Variants in AK6 observed in about 807,000 individuals in gnomAD.
AK6 encodes the protein adenylate kinase isoenzyme 6.
In AK6, 24 loss-of-function variants were observed where a neutral mutation model predicts 23.7. That is an observed-to-expected ratio of 1.01 (90% CI 0.73 to 1.43). The LOEUF (loss-of-function observed/expected upper bound fraction) is 1.43, where lower values mean the gene tolerates loss of function less well. Among genes scored for constraint, AK6 ranks in the 40% most tolerant of loss-of-function variants. AK6 has a pLI of 0.00. For missense variants in AK6, 191 were observed against 199.1 expected (o/e 0.96, Z 0.24); for synonymous variants, 73 against 69.8 (o/e 1.05, Z -0.23).
At chr5:69,366,716 T>C (rs577592776) in intron 1 of AK6, 121 bp from the exon 2 acceptor site, 9 of 723,180 alleles carry the variant, frequency 1.2e-5, no homozygotes, top group Non-Finnish European at 1.9e-5. Context: ...CCCTTAAAAG[T>C]TCTTGACGAC....
intron 4 of AK6, 69 bp from the exon 5 acceptor site, chr5:69,352,322 AC>A: frequency 1.6e-6 from 2 of 1,260,878 alleles, no homozygotes; most frequent in Non-Finnish European, 1.1e-6. Context: ...TCAGAAACAT[AC>A]CAGAAACTGG....
At chr5:69,353,038 C>T (rs1761988183) in intron 4 of AK6, among the ~76,000 whole-genome samples, 1 of 152,132 alleles carries the variant, frequency 6.6e-6, no homozygotes, top group Admixed American at 6.6e-5. Flanking sequence ...AATGATACAT[C>T]CATACAATGG....
chr5:69,358,157 G>A (rs1283056856), intron 2 of AK6, among the ~76,000 whole-genome samples: 1 of 152,202 alleles, frequency 6.6e-6, no homozygotes, highest in Non-Finnish European at 1.5e-5. Flanking sequence ...ACCTATAGCT[G>A]ATTCTGTACT....
intron 4 of AK6, 87 bp downstream of exon 4, chr5:69,355,562 A>G: frequency 1.5e-6 from 2 of 1,375,346 alleles, no homozygotes; most frequent in East Asian, 2.4e-5. Context: ...AAAACAAACA[A>G]CAACAATCTT....
intron 2 of AK6, among the ~76,000 whole-genome samples, chr5:69,358,446 G>A (rs1194589630): frequency 6.7e-6 from 1 of 149,824 alleles, no homozygotes; most frequent in Non-Finnish European, 1.5e-5. Context: ...GCTTGAACCC[G>A]GGAGGAGGCT....
intron 2 of AK6, among the ~76,000 whole-genome samples, chr5:69,364,109 T>C (rs186323143): frequency 4.5e-4 from 68 of 151,838 alleles, no homozygotes; most frequent in Non-Finnish European, 8.7e-4. Context: ...TAAAATGAAA[T>C]GGAAAATGAG....
intron 2 of AK6, chr5:69,365,893 C>T: frequency 1.8e-6 from 1 of 549,218 alleles, no homozygotes; most frequent in East Asian, 3.3e-5. Context: ...CATATGTTTT[C>T]TTAATTTTAA....
chr5:69,365,434 T>A, intron 2 of AK6: 1 of 1,613,908 alleles, frequency 6.2e-7, no homozygotes, highest in Non-Finnish European at 8.5e-7. Context: ...GGCAAAGGGG[T>A]TTGATTTCTT....
rs928875889 is a variant in AK6 at position 69,356,064 on chromosome 5, A to G, written c.122-111T>C. 7.9e-6 allele frequency: 7 copies of G among 884,836 alleles called. No individual in the cohort carries two copies. In the African/African-American group the frequency reaches 1.0e-4, roughly 13 times the overall value. The allele number at this position is 884,836 out of a possible 1,614,324, so 54.8% of individuals were successfully genotyped here. A position where few individuals can be genotyped will look rare whatever the true frequency, so the allele number is the denominator to read the frequency against. On this transcript the variant is annotated intron_variant, in intron 2 of 4. Transcript: ENST00000380822. Reference sequence around the variant, plus strand: ...AATGTATCATCAATTATTCTTTTAGATACAAGGGTGGATACTAACAAAATA... The same window carrying G: ...AATGTATCATCAATTATTCTTTTAGGTACAAGGGTGGATACTAACAAAATA...
intron 1 of AK6, among the ~76,000 whole-genome samples, chr5:69,368,405 T>C (rs1762607982): frequency 6.6e-6 from 1 of 152,220 alleles, no homozygotes; most frequent in African/African-American, 2.4e-5. Flanking sequence ...TCAAGTCCAC[T>C]ATAATACACC....
At chr5:69,358,000 A>G (rs1762126131) in intron 2 of AK6, among the ~76,000 whole-genome samples, 1 of 152,324 alleles carries the variant, frequency 6.6e-6, no homozygotes, top group African/African-American at 2.4e-5. Flanking sequence ...GCTCACATAT[A>G]CAAGTGTAAA....
rs756551615 is a variant in AK6, at chr5:69,369,495, C to G, written c.-5G>C. ...CAGGATGTTCGGAAGCAACATGGTC[C>G]CCGCCGCGACGGCTTCGGGCGCCTC... is the stretch of plus-strand genomic sequence containing the variant. On this transcript the variant is annotated 5_prime_UTR_variant, in exon 1 of 5. Coordinates refer to ENST00000380822, the MANE Select transcript of AK6 (RefSeq NM_016283.5). 1.2e-6 allele frequency: 2 copies of G among 1,611,584 alleles called. No homozygotes were observed. Among genetic ancestry groups the G allele is most frequent in the South Asian group, 1.1e-5 (1 of 90,922 alleles).
chr5:69,364,826 G>T, intron 2 of AK6: 1 of 901,406 alleles, frequency 1.1e-6, no homozygotes, highest in Non-Finnish European at 1.7e-6. Flanking sequence ...TGGTAACTGT[G>T]TTTACTCATT....
intron 1 of AK6, among the ~76,000 whole-genome samples, chr5:69,368,614 C>T (rs1423228620): frequency 6.6e-6 from 1 of 152,208 alleles, no homozygotes; most frequent in Non-Finnish European, 1.5e-5. Flanking sequence ...TTGTGCGCTG[C>T]CAACAATTTT....
chr5:69,353,146 A>T (rs567870756), intron 4 of AK6, among the ~76,000 whole-genome samples: 1 of 152,326 alleles, frequency 6.6e-6, no homozygotes, highest in South Asian at 2.1e-4. Flanking sequence ...CAGGCATAAA[A>T]GTCCACATCC....
rs111389621 is a variant in AK6, at chr5:69,361,605, A to AT, written c.121+4897dup. On this transcript the variant is annotated intron_variant, in intron 2 of 4. Coordinates refer to ENST00000380822, the MANE Select transcript of AK6 (RefSeq NM_016283.5). ...AGGCACCCTCAGCAACGCCGGACTGATTTTTTTTTTTTTTTGAGACTGAGT... is the reference window on the plus strand; with the variant it reads ...AGGCACCCTCAGCAACGCCGGACTGATTTTTTTTTTTTTTTTGAGACTGAGT... Among the ~76,000 whole-genome samples the AT allele has an allele frequency of 4.3e-3, 576 of 133,294 alleles. 4 individuals carry two copies. Among genetic ancestry groups the AT allele is most frequent in the African/African-American group, 9.8e-3 (353 of 36,184 alleles). The allele number at this position is 133,294 out of a possible 152,430, so 87.4% of individuals were successfully genotyped here. A position where few individuals can be genotyped will look rare whatever the true frequency, so the allele number is the denominator to read the frequency against.
intron 2 of AK6, chr5:69,364,958 G>C: frequency 6.2e-7 from 1 of 1,610,798 alleles, no homozygotes; most frequent in South Asian, 1.1e-5. Context: ...GATTATCATA[G>C]TCATCATCAT....
intron 2 of AK6, among the ~76,000 whole-genome samples, chr5:69,362,012 A>G (rs141061032): frequency 7.3e-6 from 1 of 136,762 alleles, no homozygotes; most frequent in Non-Finnish European, 1.5e-5. Context: ...GGGAGTGAAG[A>G]TGACCTCTCT....
chr5:69,362,716 C>T (rs575320939), intron 2 of AK6, among the ~76,000 whole-genome samples: 1 of 152,144 alleles, frequency 6.6e-6, no homozygotes, highest in Admixed American at 6.6e-5. Flanking sequence ...CACTGCACTC[C>T]AGCCTGGGCC....
Sources: allele counts gnomAD v4.1 joint callset (sites outside exome capture counted in the v4.1 genomes callset), GRCh38; gene constraint gnomAD v4.1.1; transcripts MANE v1.5; gene names NCBI Gene and HGNC (gene_info 2026-07-23, HGNC 2026-07-21).